SPAG16: variants seen among roughly 807,000 people sequenced by gnomAD.
SPAG16 encodes the protein sperm-associated antigen 16 protein.
In SPAG16, 86 loss-of-function variants were observed where a neutral mutation model predicts 80.4. That is an observed-to-expected ratio of 1.07 (90% CI 0.90 to 1.28). SPAG16 has a LOEUF of 1.28. Ranked by LOEUF, SPAG16 falls within the 50% of genes most tolerant of loss-of-function variation. The probability of loss-of-function intolerance (pLI) is 0.00; values close to 1 mark genes in which losing one functional copy is unlikely to be tolerated. For missense variants in SPAG16, 870 were observed against 765.3 expected, an observed-to-expected ratio of 1.14 and a Z score of -1.61; for synonymous variants, 294 against 265.9, an observed-to-expected ratio of 1.11 and a Z score of -1.03.
At chr2:213,981,055 G>A (rs939010848) in intron 12 of SPAG16, among the ~76,000 whole-genome samples, 4 of 152,098 alleles carry the variant, frequency 2.6e-5, no homozygotes, top group African/African-American at 7.2e-5. Flanking sequence ...TAAAGGCTGG[G>A]AAGTTCGAGA....
intron 13 of SPAG16, among the ~76,000 whole-genome samples, chr2:214,094,355 G>T (rs1006111170): frequency 2.0e-5 from 3 of 152,092 alleles, no homozygotes; most frequent in African/African-American, 7.2e-5. Flanking sequence ...CACTGCAGTA[G>T]ATCATTTTTT....
intron 15 of SPAG16, among the ~76,000 whole-genome samples, chr2:214,269,780 A>T (rs988343190): frequency 2.6e-5 from 4 of 152,116 alleles, no homozygotes; most frequent in African/African-American, 9.7e-5. Context: ...CAAAGCAGAG[A>T]AGGTCTGTGA....
rs1324410100 is a variant in SPAG16 at position 214,126,048 on chromosome 2, TTCCTTCCTTCC to T, written c.1593+17789_1593+17799del. ...CTTCCTTCCTTCCTTCCTTCCTTCCTTCCTTCCTTCCTTTTTTTTTTTTTTTTTTTTTTTGG... is the reference window on the plus strand; with the variant it reads ...CTTCCTTCCTTCCTTCCTTCCTTCCTTTTTTTTTTTTTTTTTTTTTTTTGG... On this transcript the variant is annotated intron_variant, in intron 14 of 15. Coordinates refer to ENST00000331683, the MANE Select transcript of SPAG16 (RefSeq NM_024532.5). Among the ~76,000 whole-genome samples, 16 of 28,280 alleles carry T rather than the reference TTCCTTCCTTCC, an allele frequency of 5.7e-4. 1 individual carries two copies. Among genetic ancestry groups the T allele is most frequent in the African/African-American group, 1.4e-3 (11 of 8,056 alleles). The allele number at this position is 28,280 out of a possible 152,430, so 18.6% of individuals were successfully genotyped here. A position where few individuals can be genotyped will look rare whatever the true frequency, so the allele number is the denominator to read the frequency against.
chr2:214,326,410 T>G (rs1011938971), intron 15 of SPAG16, among the ~76,000 whole-genome samples: 5 of 152,138 alleles, frequency 3.3e-5, no homozygotes, highest in Non-Finnish European at 5.9e-5. Flanking sequence ...CCTTCAGAAC[T>G]GGGAGAGAAG....
intron 15 of SPAG16, among the ~76,000 whole-genome samples, chr2:214,234,064 A>G (rs895106094): frequency 7.9e-6 from 1 of 127,086 alleles, no homozygotes; most frequent in Non-Finnish European, 1.9e-5. Context: ...AGGCCCCAGT[A>G]TGTGTTGTTT....
intron 11 of SPAG16, among the ~76,000 whole-genome samples, chr2:213,883,387 G>A (rs950562375): frequency 2.0e-5 from 3 of 152,066 alleles, no homozygotes; most frequent in African/African-American, 7.2e-5. Context: ...ACTCCCAGAT[G>A]ATTTTAATCT....
At chr2:213,994,151 A>C (rs570473910) in intron 12 of SPAG16, among the ~76,000 whole-genome samples, 4 of 152,284 alleles carry the variant, frequency 2.6e-5, no homozygotes, top group African/African-American at 7.2e-5. Context: ...TATTTCTTAC[A>C]GACAGTAGTT....
chr2:213,562,789 G>T (rs966626586), intron 10 of SPAG16, among the ~76,000 whole-genome samples: 6 of 151,230 alleles, frequency 4.0e-5, no homozygotes, highest in Non-Finnish European at 7.4e-5. Context: ...CTGTACTCAT[G>T]TGGTGGAAGG....
intron 10 of SPAG16, among the ~76,000 whole-genome samples, chr2:213,520,027 G>GCA (rs113666242): frequency 0.014 from 2,127 of 150,852 alleles, 45 homozygotes; most frequent in African/African-American, 0.048. Context: ...GCATGTGCGT[G>GCA]CACACACACA....
At chr2:214,316,616 A>G (rs1228722065) in intron 15 of SPAG16, among the ~76,000 whole-genome samples, 1 of 152,208 alleles carries the variant, frequency 6.6e-6, no homozygotes, top group Non-Finnish European at 1.5e-5. Flanking sequence ...GATTTGAATA[A>G]AATAACTTTT....
At chr2:213,711,086 G>A (rs1209086343) in intron 10 of SPAG16, among the ~76,000 whole-genome samples, 1 of 152,026 alleles carries the variant, frequency 6.6e-6, no homozygotes, top group Non-Finnish European at 1.5e-5. Flanking sequence ...GACTATTTAA[G>A]TAAATCTTTA....
At chr2:214,250,769 G>GAT (rs1397109862) in intron 15 of SPAG16, among the ~76,000 whole-genome samples, 3 of 145,206 alleles carry the variant, frequency 2.1e-5, no homozygotes, top group Non-Finnish European at 4.5e-5. Flanking sequence ...GAGAGAGAGA[G>GAT]AGAGAGAGAG....
At chr2:213,479,708 A>G (rs1366673612) in intron 9 of SPAG16, among the ~76,000 whole-genome samples, 1 of 152,206 alleles carries the variant, frequency 6.6e-6, no homozygotes, top group East Asian at 1.9e-4. Context: ...CTCTACAGCC[A>G]TCACCACCAC....
intron 10 of SPAG16, among the ~76,000 whole-genome samples, chr2:213,526,335 T>G (rs895640075): frequency 3.9e-5 from 6 of 152,226 alleles, no homozygotes; most frequent in African/African-American, 1.2e-4. Context: ...TATTTTATTT[T>G]TGTACAACCT....
intron 15 of SPAG16, among the ~76,000 whole-genome samples, chr2:214,227,697 GGTGTATGTGTGTGT>G (rs1688366976): frequency 1.4e-5 from 1 of 73,944 alleles, no homozygotes; most frequent in East Asian, 3.8e-4. Context: ...TCTTGTGGAA[GGTGTATGTGTGTGT>G]GTGTGTGTGT....
chr2:213,415,183 A>T (rs897530871), intron 9 of SPAG16, among the ~76,000 whole-genome samples: 1 of 152,236 alleles, frequency 6.6e-6, no homozygotes, highest in African/African-American at 2.4e-5. Flanking sequence ...AAGCTAGGTA[A>T]GAGAACAAGG....
At chr2:213,375,624 G>A (rs114819533) in intron 9 of SPAG16, among the ~76,000 whole-genome samples, 1,825 of 151,964 alleles carry the variant, frequency 0.012, 35 homozygotes, top group African/African-American at 0.031. Flanking sequence ...AAAAATGGTT[G>A]GTCAAAGAGA....
intron 4 of SPAG16, among the ~76,000 whole-genome samples, chr2:213,315,379 G>C (rs1209144702): frequency 6.6e-6 from 1 of 151,670 alleles, no homozygotes; most frequent in Non-Finnish European, 1.5e-5. Flanking sequence ...CTCTCATCTT[G>C]TCTGCTTGAT....
At chr2:213,622,015 G>T (rs1408066584) in intron 10 of SPAG16, among the ~76,000 whole-genome samples, 1 of 152,074 alleles carries the variant, frequency 6.6e-6, no homozygotes, top group Non-Finnish European at 1.5e-5. Flanking sequence ...GGTTGCTGGA[G>T]CCCAGTCTCT....
Sources: gnomAD v4.1 joint callset for allele counts (sites outside exome capture counted in the v4.1 genomes callset) on GRCh38, gnomAD v4.1.1 for gene constraint, MANE v1.5 for transcripts, NCBI Gene and HGNC (gene_info 2026-07-23, HGNC 2026-07-21) for gene names.